HDAC9: variants seen among roughly 807,000 people sequenced by gnomAD.
The protein encoded by HDAC9 is histone deacetylase 9.
HDAC9 carries 41 observed loss-of-function variants against 139.4 expected under a neutral mutation model. The ratio of observed to expected loss-of-function variants is 0.29; its 90% confidence interval spans 0.23 to 0.38. The LOEUF is 0.38. Ranked by LOEUF, HDAC9 falls within the 10% of genes least tolerant of loss-of-function variation. The pLI, the probability that HDAC9 is intolerant of heterozygous loss-of-function variation, is 1.00. For synonymous variants in HDAC9, 517 were observed against 476.2 expected, an observed-to-expected ratio of 1.09 and a Z score of -1.12; for missense variants, 1,147 against 1,297.0, an observed-to-expected ratio of 0.88 and a Z score of 1.78.
At chr7:18,168,719 A>G (rs1389708214) in intron 2 of HDAC9, among the ~76,000 whole-genome samples, 2 of 152,066 alleles carry the variant, frequency 1.3e-5, no homozygotes, top group Non-Finnish European at 2.9e-5. Context: ...GGTTTTCTGC[A>G]TATTTCTTAA....
At chr7:18,772,335 A>G (rs1585010401) in intron 16 of HDAC9, among the ~76,000 whole-genome samples, 1 of 151,956 alleles carries the variant, frequency 6.6e-6, no homozygotes, top group African/African-American at 2.4e-5. Context: ...CCAAAAAAGG[A>G]GGGAAAAACC....
intron 12 of HDAC9, among the ~76,000 whole-genome samples, chr7:18,723,635 TA>T (rs1343704127): frequency 1.3e-5 from 2 of 152,322 alleles, no homozygotes; most frequent in Non-Finnish European, 2.9e-5. Context: ...GTAACATTTA[TA>T]AAATGCTTTT....
At chr7:18,957,596 T>C (rs532119553) in intron 24 of HDAC9, among the ~76,000 whole-genome samples, 2 of 152,290 alleles carry the variant, frequency 1.3e-5, no homozygotes, top group Non-Finnish European at 2.9e-5. Context: ...TGAAACTGTG[T>C]GAACTCTTCC....
chr7:18,815,957 C>G (rs1387328728), intron 17 of HDAC9, among the ~76,000 whole-genome samples: 3 of 152,084 alleles, frequency 2.0e-5, no homozygotes, highest in Non-Finnish European at 1.5e-5. Flanking sequence ...CTAAAGCAAA[C>G]TGTCTTTTTA....
upstream of HDAC9, among the ~76,000 whole-genome samples, chr7:18,289,302 T>G (rs931368018): frequency 3.3e-5 from 5 of 152,124 alleles, no homozygotes; most frequent in African/African-American, 1.2e-4. Flanking sequence ...AAAAGAGACT[T>G]AGGAGGTGGA....
chr7:18,490,411 A>G (rs1375675613), intron 1 of HDAC9, among the ~76,000 whole-genome samples: 3 of 152,050 alleles, frequency 2.0e-5, no homozygotes, highest in Non-Finnish European at 4.4e-5. Context: ...TGCAAGGCCA[A>G]TGATTCTAAA....
chr7:18,839,742 A>T (rs1469699777), intron 21 of HDAC9, among the ~76,000 whole-genome samples: 1 of 152,074 alleles, frequency 6.6e-6, no homozygotes, highest in Non-Finnish European at 1.5e-5. Flanking sequence ...CTTTTGCTGA[A>T]TGCCTGCTAA....
chr7:18,371,454 A>G (rs573609381), intron 1 of HDAC9, among the ~76,000 whole-genome samples: 13 of 152,284 alleles, frequency 8.5e-5, no homozygotes, highest in African/African-American at 2.9e-4. Flanking sequence ...TTTTGTGTGT[A>G]TATTTTATCT....
At position 18,391,381 on chromosome 7, in the gene HDAC9, T is replaced by TC. The variant is rs573338311; in HGVS notation, c.-42+100875dup. Among the ~76,000 whole-genome samples the TC allele has an allele frequency of 8.6e-3, 1,245 of 144,168 alleles. 14 individuals carry two copies. Among genetic ancestry groups the TC allele is most frequent in the African/African-American group, 0.029 (1,139 of 39,108 alleles). The allele number at this position is 144,168 out of a possible 152,430, so 94.6% of individuals were successfully genotyped here. Reference sequence around the variant, plus strand: ...GCCTGAGCGATGGAGCGAGACGCCATCCCCCCCCCAAAAAAAAAAGAAAGT... The same window carrying TC: ...GCCTGAGCGATGGAGCGAGACGCCATCCCCCCCCCCAAAAAAAAAAGAAAGT... On this transcript the variant is annotated intron_variant, in intron 1 of 3. Coordinates refer to the HDAC9 transcript ENST00000413509.
At chr7:18,944,035 A>G (rs980946017) in intron 23 of HDAC9, among the ~76,000 whole-genome samples, 1 of 152,196 alleles carries the variant, frequency 6.6e-6, no homozygotes, top group Non-Finnish European at 1.5e-5. Context: ...AGAATGACTC[A>G]TGAATCACAA....
At chr7:18,605,903 A>G (rs140897505) in intron 6 of HDAC9, among the ~76,000 whole-genome samples, 3,688 of 152,152 alleles carry the variant, frequency 0.024, 151 homozygotes, top group African/African-American at 0.084. Flanking sequence ...GATGGTCTCC[A>G]TCTCCTGACC....
intron 2 of HDAC9, among the ~76,000 whole-genome samples, chr7:18,520,984 T>C (rs1328864327): frequency 1.3e-5 from 2 of 152,204 alleles, no homozygotes; most frequent in Non-Finnish European, 2.9e-5. Context: ...ACACAAAGCT[T>C]AGTCATCGGC....
At chr7:18,972,032 C>T (rs1784271595) in intron 24 of HDAC9, among the ~76,000 whole-genome samples, 1 of 152,332 alleles carries the variant, frequency 6.6e-6, no homozygotes, top group Middle Eastern at 3.4e-3. Context: ...AGACCCAATG[C>T]TTGGTAATTA....
intron 22 of HDAC9, among the ~76,000 whole-genome samples, chr7:18,934,994 A>G (rs74982150): frequency 2.6e-5 from 4 of 152,186 alleles, no homozygotes; most frequent in African/African-American, 9.7e-5. Context: ...ACAGGGATCA[A>G]CAAAGATGAG....
At chr7:18,723,505 G>C (rs979552649) in intron 12 of HDAC9, among the ~76,000 whole-genome samples, 1 of 152,112 alleles carries the variant, frequency 6.6e-6, no homozygotes, top group Non-Finnish European at 1.5e-5. Flanking sequence ...TTATAAGTAA[G>C]GAACAAATTA....
chr7:18,996,027 GC>G lies in HDAC9; in HGVS notation c.3176del (p.Ala1059ValfsTer51). 1 of 1,602,188 alleles carries G rather than the reference GC, an allele frequency of 6.2e-7. No individual in the cohort carries two copies. Among genetic ancestry groups the G allele is most frequent in the Non-Finnish European group, 8.5e-7 (1 of 1,174,250 alleles). On this transcript the variant is annotated frameshift_variant, in exon 26 of 26. Transcript: ENST00000686413. LOFTEE classifies it high-confidence loss of function. ...ATTGCCTGTTTATTTTTACAGAACT[GC>G]TGGTGAGCCTATGGAAGAGGAGCCA... ...QPFAQEDSRT[A>X]GEPMEEEPAL
chr7:18,980,729 T>TCTTCTTCTTC (rs1483901481), intron 25 of HDAC9, among the ~76,000 whole-genome samples: 73 of 129,940 alleles, frequency 5.6e-4, no homozygotes, highest in African/African-American at 1.5e-3. Context: ...TCTTCTTCCT[T>TCTTCTTCTTC]CTTCTTCTTC....
chr7:18,540,364 C>T (rs1401070921), intron 2 of HDAC9, among the ~76,000 whole-genome samples: 1 of 151,056 alleles, frequency 6.6e-6, no homozygotes, highest in Non-Finnish European at 1.5e-5. Context: ...CTGTCATCAT[C>T]AAATTGAAGA....
At chr7:18,270,063 A>G (rs1055024062) in intron 2 of HDAC9, among the ~76,000 whole-genome samples, 1 of 152,182 alleles carries the variant, frequency 6.6e-6, no homozygotes, top group African/African-American at 2.4e-5. Flanking sequence ...GCTTCTATCT[A>G]CTGGCACACT....
Sources: gnomAD v4.1 joint callset for allele counts (sites outside exome capture counted in the v4.1 genomes callset) on GRCh38, gnomAD v4.1.1 for gene constraint, MANE v1.5 for transcripts, NCBI Gene and HGNC (gene_info 2026-07-23, HGNC 2026-07-21) for gene names.